Variants in COX10 observed in about 807,000 individuals in gnomAD.
COX10 encodes protoheme IX farnesyltransferase, mitochondrial.
In COX10, 27 loss-of-function variants were observed where a neutral mutation model predicts 37.3. The ratio of observed to expected loss-of-function variants is 0.72; its 90% confidence interval spans 0.53 to 1.00. The LOEUF (loss-of-function observed/expected upper bound fraction) is 1.00, where lower values mean the gene tolerates loss of function less well. Ranked by LOEUF, COX10 falls within the 50% of genes least tolerant of loss-of-function variation. The probability of loss-of-function intolerance (pLI) is 0.00; values close to 1 mark genes in which losing one functional copy is unlikely to be tolerated. For missense variants in COX10, 475 were observed against 563.2 expected (o/e 0.84, Z 1.59); for synonymous variants, 222 against 229.1 (o/e 0.97, Z 0.28).
intron 4 of COX10, among the ~76,000 whole-genome samples, chr17:14,117,464 T>C (rs1426067233): frequency 6.6e-6 from 1 of 152,250 alleles, no homozygotes. Context: ...CATTATGCTG[T>C]ATTTTGGATT....
intron 3 of COX10, among the ~76,000 whole-genome samples, chr17:14,092,719 C>G (rs969899101): frequency 7.9e-5 from 12 of 152,038 alleles, no homozygotes; most frequent in African/African-American, 2.9e-4. Flanking sequence ...GTTAGAAATT[C>G]AACTATTTGA....
chr17:14,135,390 A>G (rs914909907), intron 4 of COX10, among the ~76,000 whole-genome samples: 6 of 151,890 alleles, frequency 4.0e-5, no homozygotes, highest in African/African-American at 1.4e-4. Context: ...TACTGATTTT[A>G]GATATTAGGT....
At chr17:14,190,764 G>A (rs1488356409) in intron 5 of COX10, among the ~76,000 whole-genome samples, 2 of 152,150 alleles carry the variant, frequency 1.3e-5, no homozygotes, top group South Asian at 2.1e-4. Flanking sequence ...ATTCTAACTC[G>A]TCATAATTCT....
chr17:14,181,569 A>G (rs1905860130), intron 5 of COX10, among the ~76,000 whole-genome samples: 1 of 152,140 alleles, frequency 6.6e-6, no homozygotes, highest in South Asian at 2.1e-4. Context: ...TTTAAAATTC[A>G]TTGACCCTAT....
intron 5 of COX10, among the ~76,000 whole-genome samples, chr17:14,167,327 T>C (rs1227147160): frequency 2.0e-5 from 3 of 152,238 alleles, no homozygotes. Flanking sequence ...ACGAAGATGC[T>C]GTGAACATTG....
chr17:14,173,068 G>A (rs1250779943), intron 5 of COX10, among the ~76,000 whole-genome samples: 1 of 152,152 alleles, frequency 6.6e-6, no homozygotes, highest in Non-Finnish European at 1.5e-5. Context: ...TTACTATTGA[G>A]TTGTTTGAAT....
At chr17:14,123,826 G>A (rs575933556) in intron 4 of COX10, among the ~76,000 whole-genome samples, 4 of 152,256 alleles carry the variant, frequency 2.6e-5, no homozygotes, top group African/African-American at 9.6e-5. Flanking sequence ...AGAACAACAG[G>A]TGCATGCAAT....
At chr17:14,090,513 A>C (rs910042789) in intron 3 of COX10, among the ~76,000 whole-genome samples, 1 of 152,180 alleles carries the variant, frequency 6.6e-6, no homozygotes, top group Non-Finnish European at 1.5e-5. Flanking sequence ...AGAATGCTGC[A>C]TGTCAGTGAG....
At chr17:14,202,036 C>G (rs1271652608) in intron 6 of COX10, among the ~76,000 whole-genome samples, 1 of 151,940 alleles carries the variant, frequency 6.6e-6, no homozygotes, top group Non-Finnish European at 1.5e-5. Context: ...GCAGTACTCA[C>G]TGCCAAGAAA....
chr17:14,152,114 G>A (rs1331299306), intron 4 of COX10, among the ~76,000 whole-genome samples: 1 of 152,116 alleles, frequency 6.6e-6, no homozygotes, highest in African/African-American at 2.4e-5. Context: ...AGAGAAGTTT[G>A]TATCAGTCAA....
intron 4 of COX10, among the ~76,000 whole-genome samples, chr17:14,128,542 G>A (rs1916393602): frequency 6.6e-6 from 1 of 152,074 alleles, no homozygotes; most frequent in Non-Finnish European, 1.5e-5. Context: ...TAGTAGCTTA[G>A]GGTGCAAATT....
At chr17:14,078,670 C>T (rs945139724) in intron 3 of COX10, among the ~76,000 whole-genome samples, 28 of 152,094 alleles carry the variant, frequency 1.8e-4, no homozygotes, top group Non-Finnish European at 3.2e-4. Flanking sequence ...TTTTGTCCTC[C>T]GCCCCGCTTA....
At chr17:14,136,573 T>C (rs995229914) in intron 4 of COX10, among the ~76,000 whole-genome samples, 3 of 152,072 alleles carry the variant, frequency 2.0e-5, no homozygotes, top group Admixed American at 2.0e-4. Flanking sequence ...TTGAATCCTG[T>C]ACTTATTTGT....
At chr17:14,130,115 A>G (rs1916431122) in intron 4 of COX10, among the ~76,000 whole-genome samples, 1 of 152,182 alleles carries the variant, frequency 6.6e-6, no homozygotes, top group African/African-American at 2.4e-5. Flanking sequence ...GACATAAGTG[A>G]GGAGTTTCTG....
chr17:14,202,365 T>C (rs1000909780), intron 6 of COX10, among the ~76,000 whole-genome samples: 1 of 152,016 alleles, frequency 6.6e-6, no homozygotes, highest in African/African-American at 2.4e-5. Context: ...GGCCGGACTA[T>C]AGGCACGTGG....
chr17:14,174,004 T>C (rs1905568488), intron 5 of COX10, among the ~76,000 whole-genome samples: 1 of 152,022 alleles, frequency 6.6e-6, no homozygotes, highest in South Asian at 2.1e-4. Context: ...AGATAAACTG[T>C]ACTTCATCAA....
At chr17:14,148,574 A>G (rs1904798591) in intron 4 of COX10, among the ~76,000 whole-genome samples, 1 of 152,190 alleles carries the variant, frequency 6.6e-6, no homozygotes, top group African/African-American at 2.4e-5. Flanking sequence ...CACGAGGTTC[A>G]CATGTTTGTT....
chr17:14,127,935 G>A (rs1316737341), intron 4 of COX10, among the ~76,000 whole-genome samples: 3 of 143,592 alleles, frequency 2.1e-5, no homozygotes, highest in Non-Finnish European at 4.5e-5. Flanking sequence ...GTATGTGTGT[G>A]TGTGTGTGTG....
At chr17:14,119,004 A>C (rs1322577962) in intron 4 of COX10, among the ~76,000 whole-genome samples, 1 of 151,944 alleles carries the variant, frequency 6.6e-6, no homozygotes, top group African/African-American at 2.4e-5. Flanking sequence ...TTTTTCAAAT[A>C]GACTTTTCAT....
Sources: gnomAD v4.1 joint callset for allele counts (sites outside exome capture counted in the v4.1 genomes callset) on GRCh38, gnomAD v4.1.1 for gene constraint, MANE v1.5 for transcripts, NCBI Gene and HGNC (gene_info 2026-07-23, HGNC 2026-07-21) for gene names.